The following RPS6KA3 variants were observed in gnomAD, a reference collection of about 807,000 sequenced individuals.
RPS6KA3 encodes the protein ribosomal protein S6 kinase A3, also known as ribosomal protein S6 kinase alpha-3.
RPS6KA3 carries 4 observed loss-of-function variants against 67.2 expected under a neutral mutation model. The observed-to-expected ratio is 0.06, with a 90% CI of 0.03 to 0.14. RPS6KA3 has a LOEUF of 0.14. RPS6KA3 is among the 10% of genes least tolerant of loss of function. RPS6KA3 has a pLI of 1.00. For missense variants in RPS6KA3, 204 were observed against 559.0 expected (o/e 0.36, Z 6.40); for synonymous variants, 182 against 183.7 (o/e 0.99, Z 0.07).
chrX:20,246,820 A>G (rs777264139), intron 1 of RPS6KA3, among the ~76,000 whole-genome samples: 7 of 112,150 alleles, frequency 6.2e-5, no homozygotes, highest in Admixed American at 3.8e-4. Context: ...AAACGATACA[A>G]TGGTACTTGC....
chrX:20,261,647 T>C (rs888985638), intron 1 of RPS6KA3, among the ~76,000 whole-genome samples: 1 of 112,563 alleles, frequency 8.9e-6, no homozygotes, highest in Non-Finnish European at 1.9e-5. Context: ...CTGAACCTGT[T>C]TTATAAAACA....
intron 20 of RPS6KA3, among the ~76,000 whole-genome samples, chrX:20,160,637 C>T (rs1175752440): frequency 9.0e-6 from 1 of 111,263 alleles, no homozygotes; most frequent in African/African-American, 3.3e-5. Context: ...CCATGTCAGC[C>T]AGGCTGGTTC....
chrX:20,201,991 T>C lies in RPS6KA3; in HGVS notation c.325+2031A>G, dbSNP rs1324597429. Among the ~76,000 whole-genome samples, 3 of 102,548 alleles carry C rather than the reference T, an allele frequency of 2.9e-5. No homozygotes were observed. The Admixed American group carries it at 3.2e-4, about 11-fold the overall frequency. The allele number at this position is 102,548 out of a possible 115,157, so 89.1% of individuals were successfully genotyped here. A position where few individuals can be genotyped will look rare whatever the true frequency, so the allele number is the denominator to read the frequency against. On this transcript the variant is annotated intron_variant, in intron 4 of 21. Coordinates refer to ENST00000379565, the MANE Select transcript of RPS6KA3 (RefSeq NM_004586.3). ...TTTCTTTTTTCTTTTTTTTTTTTTTTTTTTTGAGACGGAGTTTTGCTCTTG... is the reference window on the plus strand; with the variant it reads ...TTTCTTTTTTCTTTTTTTTTTTTTTCTTTTTGAGACGGAGTTTTGCTCTTG...
chrX:20,189,202 T>C (rs1297864435), intron 7 of RPS6KA3, among the ~76,000 whole-genome samples: 1 of 111,830 alleles, frequency 8.9e-6, no homozygotes, highest in African/African-American at 3.3e-5. Context: ...GACCCCTCCC[T>C]TCACTATACA....
rs1160252456 is a variant in RPS6KA3 at position 20,167,514 on chromosome X, T to C, written c.1602+75A>G. 4.1e-6 allele frequency: 4 copies of C among 983,982 alleles called. No individual in the cohort carries two copies. The African/African-American group carries it at 7.6e-5, about 19-fold the overall frequency. The allele number at this position is 983,982 out of a possible 1,213,427, so 81.1% of individuals were successfully genotyped here. The stretch of plus-strand genomic sequence containing the variant: ...ATTTTCCATTTCAGGCATAAAGTAA[T>C]TTCTATCTAATTCTAGCTCAAACAT... On this transcript the variant is annotated intron_variant, in intron 17 of 21. Coordinates refer to ENST00000379565, the MANE Select transcript of RPS6KA3 (RefSeq NM_004586.3).
At chrX:20,209,147 A>G in intron 3 of RPS6KA3, 141 bp downstream of exon 3, 1 of 479,563 alleles carries the variant, frequency 2.1e-6, no homozygotes, top group Non-Finnish European at 3.7e-6. Flanking sequence ...CCACTTACTG[A>G]TAGTGAGAAA....
intron 4 of RPS6KA3, among the ~76,000 whole-genome samples, chrX:20,198,995 CT>C (rs1246868281): frequency 9.0e-6 from 1 of 110,883 alleles, no homozygotes; most frequent in Non-Finnish European, 1.9e-5. Context: ...TCTCAGGCTC[CT>C]GAGTAGCTGA....
chrX:20,266,613 G>C lies in RPS6KA3; in HGVS notation c.20C>G (p.Ala7Gly), dbSNP rs1365070717. The C allele has an allele frequency of 8.7e-7, 1 of 1,143,671 alleles. No homozygotes were observed. Among genetic ancestry groups the C allele is most frequent in the Non-Finnish European group, 1.2e-6 (1 of 864,606 alleles). 94.3% of individuals were successfully genotyped at this position (1,143,671 alleles called of 1,213,427 possible). MPLAQLADPWQKMAVES... is the reference protein window; with the variant it reads MPLAQLGDPWQKMAVES... Reference sequence around the variant, plus strand: ...CACAGCCATCTTCTGCCACGGGTCCGCCAGCTGCGCCAGCGGCATCTTCCC... The same window carrying C: ...CACAGCCATCTTCTGCCACGGGTCCCCCAGCTGCGCCAGCGGCATCTTCCC... Residue 7 changes from alanine to glycine, a missense_variant, in exon 1 of 22, where the codon GCG (alanine) becomes GGG (glycine). By Grantham distance (60) the Ala-to-Gly change is moderately conservative (BLOSUM62 0). Coordinates refer to ENST00000379565, the MANE Select transcript of RPS6KA3 (RefSeq NM_004586.3).
intron 2 of RPS6KA3, among the ~76,000 whole-genome samples, chrX:20,215,212 A>AGTGT (rs573108148): frequency 0.015 from 1,623 of 105,633 alleles, 23 homozygotes; most frequent in African/African-American, 0.049. Context: ...TCCTTTTCTT[A>AGTGT]GTGTGTGTGT....
chrX:20,217,368 C>T (rs1222472559), intron 2 of RPS6KA3, among the ~76,000 whole-genome samples: 1 of 112,595 alleles, frequency 8.9e-6, no homozygotes, highest in Non-Finnish European at 1.9e-5. Context: ...TTTGAATTAT[C>T]GAAAACCTAA....
intron 11 of RPS6KA3, 146 bp from the exon 12 acceptor site, chrX:20,176,644 C>T (rs1224255080): frequency 1.3e-5 from 6 of 478,298 alleles, no homozygotes; most frequent in African/African-American, 7.3e-5. Context: ...CAGGCTGGAG[C>T]GCAGTGGTGT....
intron 2 of RPS6KA3, among the ~76,000 whole-genome samples, chrX:20,216,645 G>C (rs946453736): frequency 2.7e-5 from 3 of 110,471 alleles, no homozygotes; most frequent in African/African-American, 9.9e-5. Context: ...GATGCTATTT[G>C]AGAAAGACCT....
intron 1 of RPS6KA3, among the ~76,000 whole-genome samples, chrX:20,263,585 T>C (rs1386943824): frequency 8.9e-6 from 1 of 111,819 alleles, no homozygotes; most frequent in African/African-American, 3.3e-5. Context: ...ACCATGAGAT[T>C]CGTGTGAGGT....
At chrX:20,229,617 T>C (rs1169368650) in intron 2 of RPS6KA3, among the ~76,000 whole-genome samples, 2 of 112,352 alleles carry the variant, frequency 1.8e-5, no homozygotes, top group East Asian at 5.5e-4. Flanking sequence ...TAATACAACA[T>C]CTCAACGTTC....
chrX:20,266,953 C>G (rs1603434088), upstream of RPS6KA3: 22 of 732,047 alleles, frequency 3.0e-5, no homozygotes, highest in Non-Finnish European at 3.6e-5. Context: ...CCGCCCCCCC[C>G]GCCGGTTCCC....
At chrX:20,157,003 G>A (rs1212786318) in intron 20 of RPS6KA3, among the ~76,000 whole-genome samples, 1 of 111,308 alleles carries the variant, frequency 9.0e-6, no homozygotes, top group Non-Finnish European at 1.9e-5. Context: ...CAACCCATGG[G>A]CATTAGAGAA....
chrX:20,190,819 G>A (rs1393706007), intron 7 of RPS6KA3, among the ~76,000 whole-genome samples: 1 of 109,649 alleles, frequency 9.1e-6, no homozygotes, highest in Admixed American at 9.7e-5. Flanking sequence ...AGTTCCAGAT[G>A]AGCATTTCCT....
intron 1 of RPS6KA3, among the ~76,000 whole-genome samples, chrX:20,258,527 T>C (rs1352225156): frequency 1.8e-5 from 2 of 111,717 alleles, no homozygotes; most frequent in East Asian, 2.8e-4. Flanking sequence ...TTCTAACACA[T>C]ATCAAATGAC....
At chrX:20,242,139 A>T (rs2069567256) in intron 1 of RPS6KA3, among the ~76,000 whole-genome samples, 1 of 111,893 alleles carries the variant, frequency 8.9e-6, no homozygotes, top group African/African-American at 3.2e-5. Flanking sequence ...AAAAGAAAAA[A>T]CACTTCAGAA....
Sources: gnomAD v4.1 joint callset for allele counts (sites outside exome capture counted in the v4.1 genomes callset) on GRCh38, gnomAD v4.1.1 for gene constraint, MANE v1.5 for transcripts, NCBI Gene and HGNC (gene_info 2026-07-23, HGNC 2026-07-21) for gene names.